Variants in R3HDM1 observed in about 807,000 individuals in gnomAD.
The protein encoded by R3HDM1 is R3H domain-containing protein 1.
Under a neutral mutation model 141.1 loss-of-function variants are expected in R3HDM1, and 46 were observed. The observed-to-expected ratio is 0.33, with a 90% CI of 0.26 to 0.42. The LOEUF (loss-of-function observed/expected upper bound fraction) is 0.42. Ranked by LOEUF, R3HDM1 falls within the 10% of genes least tolerant of loss-of-function variation. R3HDM1 has a pLI of 1.00. For synonymous variants in R3HDM1, 435 were observed against 472.9 expected, an observed-to-expected ratio of 0.92 and a Z score of 1.04; for missense variants, 1,184 against 1,368.3, an observed-to-expected ratio of 0.87 and a Z score of 2.12.
Position 135,657,115 on chromosome 2 carries a change from G to T in R3HDM1, c.2029-4155G>T, listed in dbSNP as rs550776801. On this transcript the variant is annotated intron_variant, in intron 18 of 26. Transcript: ENST00000683871. ...CATCTCAATTAAAAAAAGAGAGAGA[G>T]ATATTGGCTAGGCACAGTGGCTCAA... 7.5e-5 allele frequency among the ~76,000 whole-genome samples: 11 copies of T among 147,340 alleles called. No individual in the cohort carries two copies. The East Asian group carries it at 1.7e-3, about 22-fold the overall frequency.
At chr2:135,711,576 C>T (rs1439976615) in intron 23 of R3HDM1, among the ~76,000 whole-genome samples, 1 of 150,850 alleles carries the variant, frequency 6.6e-6, no homozygotes, top group Non-Finnish European at 1.5e-5. Context: ...GGCAAGATTG[C>T]TTTATCCCAG....
At chr2:135,597,166 T>A (rs1193427155) in intron 1 of R3HDM1, 1 of 975,786 alleles carries the variant, frequency 1.0e-6, no homozygotes, top group East Asian at 1.1e-4. Context: ...AAGTCTTTCC[T>A]TCTTGCTTAT....
chr2:135,690,599 G>A (rs1002959460), intron 21 of R3HDM1, among the ~76,000 whole-genome samples: 5 of 152,132 alleles, frequency 3.3e-5, no homozygotes, highest in African/African-American at 4.8e-5. Flanking sequence ...TAACAGAATA[G>A]ATGAAGAAAG....
At chr2:135,698,999 A>AT (rs887671807) in intron 21 of R3HDM1, among the ~76,000 whole-genome samples, 4 of 113,280 alleles carry the variant, frequency 3.5e-5, no homozygotes, top group African/African-American at 6.6e-5. Flanking sequence ...AGATAGATAG[A>AT]TAGATAGATA....
chr2:135,651,902 C>A lies in R3HDM1; in HGVS notation c.1898C>A (p.Pro633Gln), dbSNP rs745434539. 6.2e-7 allele frequency: 1 copy of A among 1,613,952 alleles called. No homozygotes were observed. The highest frequency in any genetic ancestry group is 1.7e-5 in the Admixed American group (1 of 60,018). Reference protein sequence around the residue: ...APPPHPPPPPPPPPPPPPLPP... With the variant: ...APPPHPPPPPQPPPPPPPLPP... The stretch of plus-strand genomic sequence containing the variant: ...CCACCACATCCTCCTCCACCGCCAC[C>A]ACCACCACCTCCTCCTCCTCCCCTA... The change falls in exon 18 of 27, where the codon CCA (proline) becomes CAA (glutamine). Residue 633 changes from proline (P) to glutamine (Q), a missense_variant. Pro to Gln is a moderately conservative substitution (Grantham distance 76). Transcript: ENST00000683871.
At chr2:135,704,127 C>T (rs2074582546) in intron 21 of R3HDM1, among the ~76,000 whole-genome samples, 2 of 152,028 alleles carry the variant, frequency 1.3e-5, no homozygotes, top group Non-Finnish European at 2.9e-5. Flanking sequence ...ATTACAGGCA[C>T]CCACCACCAC....
intron 21 of R3HDM1, among the ~76,000 whole-genome samples, chr2:135,701,660 A>G (rs1332056464): frequency 6.6e-6 from 1 of 152,210 alleles, no homozygotes; most frequent in Non-Finnish European, 1.5e-5. Context: ...AGTGTCCATG[A>G]CTAACAGGCA....
chr2:135,712,728 T>A (rs1221721631), intron 23 of R3HDM1, among the ~76,000 whole-genome samples: 1 of 151,398 alleles, frequency 6.6e-6, no homozygotes, highest in Non-Finnish European at 1.5e-5. Flanking sequence ...GAGACCATCC[T>A]GGTTAACATG....
intron 21 of R3HDM1, among the ~76,000 whole-genome samples, chr2:135,702,353 G>A (rs192510660): frequency 3.1e-4 from 47 of 151,700 alleles, no homozygotes; most frequent in Middle Eastern, 3.5e-3. Flanking sequence ...GCAAAACCCC[G>A]TCTGTACTAA....
At chr2:135,650,129 A>C (rs2064993567) in intron 17 of R3HDM1, 126 bp downstream of exon 17, 4 of 995,182 alleles carry the variant, frequency 4.0e-6, no homozygotes, top group Non-Finnish European at 4.9e-6. Context: ...ATATGTATCT[A>C]AACAAAGTAT....
intron 14 of R3HDM1, 152 bp from the exon 15 acceptor site, chr2:135,641,384 G>A: frequency 1.2e-6 from 1 of 866,710 alleles, no homozygotes; most frequent in Non-Finnish European, 1.7e-6. Flanking sequence ...GTTATGGGGA[G>A]GGTAAGCAAA....
chr2:135,679,467 T>C (rs2069841893), intron 20 of R3HDM1, among the ~76,000 whole-genome samples: 1 of 152,144 alleles, frequency 6.6e-6, no homozygotes, highest in Non-Finnish European at 1.5e-5. Flanking sequence ...ATGGCTGATA[T>C]CACATGTAGG....
At chr2:135,629,117 G>C (rs2062366931) in intron 7 of R3HDM1, among the ~76,000 whole-genome samples, 1 of 151,990 alleles carries the variant, frequency 6.6e-6, no homozygotes, top group South Asian at 2.1e-4. Context: ...GGGAGTTCGA[G>C]ACCAGCCTGG....
At chr2:135,592,012 T>C (rs762195828) in intron 1 of R3HDM1, among the ~76,000 whole-genome samples, 4 of 152,204 alleles carry the variant, frequency 2.6e-5, no homozygotes, top group Non-Finnish European at 4.4e-5. Context: ...GGGATCTCAT[T>C]ACATTGGCAT....
chr2:135,540,933 C>G (rs1697339080), intron 1 of R3HDM1, among the ~76,000 whole-genome samples: 1 of 152,186 alleles, frequency 6.6e-6, no homozygotes, highest in Non-Finnish European at 1.5e-5. Context: ...CTTTTTACAT[C>G]TCCATCAGAG....
At chr2:135,654,657 C>A (rs2065579486) in intron 18 of R3HDM1, among the ~76,000 whole-genome samples, 2 of 152,164 alleles carry the variant, frequency 1.3e-5, no homozygotes, top group South Asian at 4.1e-4. Flanking sequence ...CCATGTTGGC[C>A]AGGCTGGTCT....
intron 20 of R3HDM1, among the ~76,000 whole-genome samples, chr2:135,679,206 G>A (rs1348457876): frequency 6.7e-6 from 1 of 148,608 alleles, no homozygotes; most frequent in African/African-American, 2.5e-5. Context: ...CTTTATGCCT[G>A]TGTTGTTTCT....
intron 1 of R3HDM1, among the ~76,000 whole-genome samples, chr2:135,591,425 A>G (rs1294261910): frequency 6.6e-6 from 1 of 152,234 alleles, no homozygotes; most frequent in African/African-American, 2.4e-5. Flanking sequence ...AAATACGATA[A>G]GACTGAGGGT....
At chr2:135,618,968 C>T (rs958854102) in intron 5 of R3HDM1, among the ~76,000 whole-genome samples, 4 of 149,588 alleles carry the variant, frequency 2.7e-5, no homozygotes, top group African/African-American at 7.4e-5. Context: ...TTCAGGGAGC[C>T]GAGATTGCGC....
Sources: gnomAD v4.1 joint callset for allele counts (sites outside exome capture counted in the v4.1 genomes callset) on GRCh38, gnomAD v4.1.1 for gene constraint, MANE v1.5 for transcripts, NCBI Gene and HGNC (gene_info 2026-07-23, HGNC 2026-07-21) for gene names.